The following MYH9 variants were observed in gnomAD, a reference collection of about 807,000 sequenced individuals.
MYH9 encodes myosin heavy chain 9.
Under a neutral mutation model 241.9 loss-of-function variants are expected in MYH9, and 29 were observed. The observed-to-expected ratio is 0.12, with a 90% CI of 0.09 to 0.16. The LOEUF is 0.16. Among genes scored for constraint, MYH9 ranks in the 10% least tolerant of loss-of-function variants. The pLI is 1.00. For synonymous variants in MYH9, 1,047 were observed against 1,062.6 expected (o/e 0.99, Z 0.29); for missense variants, 1,803 against 2,595.5 (o/e 0.69, Z 6.63).
At position 36,293,290 on chromosome 22, in the gene MYH9, C is replaced by A; in HGVS notation, c.4095+39G>T. 6.2e-7 allele frequency: 1 copy of A among 1,612,816 alleles called. No homozygotes were observed. Among genetic ancestry groups the A allele is most frequent in the Non-Finnish European group, 8.5e-7 (1 of 1,179,766 alleles). On this transcript the variant is annotated intron_variant, in intron 30 of 40. Transcript: ENST00000216181. This position sits in a 1 kb window ranked among gnomAD's most constrained non-coding sequence, Gnocchi z 5.1. The stretch of plus-strand genomic sequence containing the variant: ...GGCCAGTGCCCGGCCAGCAGCTCCC[C>A]AGCCTGCAGAGTCCGGCCGGTCCCC...
intron 2 of MYH9, among the ~76,000 whole-genome samples, chr22:36,342,003 G>A (rs2017598619): frequency 6.6e-6 from 1 of 152,230 alleles, no homozygotes; most frequent in African/African-American, 2.4e-5. Context: ...TTCTAGCACT[G>A]GAAAAACGCA....
At chr22:36,367,307 G>A (rs976604412) in intron 1 of MYH9, among the ~76,000 whole-genome samples, 14 of 152,124 alleles carry the variant, frequency 9.2e-5, no homozygotes, top group African/African-American at 3.4e-4. Flanking sequence ...CACTGCTCTG[G>A]GGTGCCCTGG....
At chr22:36,371,856 T>C (rs1437965126) in intron 1 of MYH9, among the ~76,000 whole-genome samples, 1 of 151,890 alleles carries the variant, frequency 6.6e-6, no homozygotes, top group Non-Finnish European at 1.5e-5. Context: ...TTAGTACCTC[T>C]CAACATACCC....
chr22:36,304,662 G>A (rs758636435), intron 18 of MYH9, among the ~76,000 whole-genome samples: 5 of 152,200 alleles, frequency 3.3e-5, no homozygotes, highest in African/African-American at 7.2e-5. Flanking sequence ...CCCAGGTCAC[G>A]GAGCACCAGG....
rs976283848 is a variant in MYH9, at chr22:36,320,562, C to T, written c.869-199G>A. 6.6e-6 allele frequency among the ~76,000 whole-genome samples: 1 copy of T among 152,142 alleles called. No individual in the cohort carries two copies. The highest frequency in any genetic ancestry group is 1.5e-5 in the Non-Finnish European group (1 of 68,016). The stretch of plus-strand genomic sequence containing the variant: ...ACTCCCGTCTCCTGGCCCAGGAGAG[C>T]GCCAGGTCCTGTGATTTGCAGCTAC... On this transcript the variant is annotated intron_variant, in intron 8 of 40. Transcript: ENST00000216181. The surrounding 1 kb of genome is among the most constrained non-coding windows in gnomAD (Gnocchi z 4.8).
chr22:36,363,453 G>C (rs2017965674), intron 1 of MYH9, among the ~76,000 whole-genome samples: 1 of 152,200 alleles, frequency 6.6e-6, no homozygotes, highest in Admixed American at 6.5e-5. Flanking sequence ...TGGAGGGAGA[G>C]ACAGAGGGAG....
chr22:36,317,756 G>A, intron 11 of MYH9, among the ~76,000 whole-genome samples: 1 of 152,242 alleles, frequency 6.6e-6, no homozygotes, highest in East Asian at 1.9e-4. Context: ...AAGCGCTGCT[G>A]CTCGTCTCTC....
At chr22:36,317,426 G>T (rs750412349) in intron 11 of MYH9, among the ~76,000 whole-genome samples, 1 of 152,044 alleles carries the variant, frequency 6.6e-6, no homozygotes, top group Non-Finnish European at 1.5e-5. Flanking sequence ...AATAGAAAAT[G>T]GAGGTTTCTC....
chr22:36,325,168 G>T, intron 5 of MYH9: 1 of 658,044 alleles, frequency 1.5e-6, no homozygotes. Flanking sequence ...GAGAGGGATG[G>T]AGAGAGAGAG....
intron 1 of MYH9, among the ~76,000 whole-genome samples, chr22:36,349,816 C>G (rs2146393698): frequency 6.6e-6 from 1 of 152,256 alleles, no homozygotes; most frequent in South Asian, 2.1e-4. Context: ...ATGAACATAA[C>G]AAGAGTCTCA....
rs368826129 is a variant in MYH9 at position 36,284,059 on chromosome 22, C to T, written c.5765+34G>A. 2.3e-4 allele frequency: 352 copies of T among 1,518,768 alleles called. No individual in the cohort carries two copies. In the Middle Eastern group the frequency reaches 4.0e-3, roughly 17 times the overall value. 94.1% of individuals were successfully genotyped at this position (1,518,768 alleles called of 1,614,324 possible). Reference sequence around the variant, plus strand: ...ACAAGCTACCTTTTGAGAGAAGTGCCGAGGCAAAGGGGCGGGTGGGCAGGG... The same window carrying T: ...ACAAGCTACCTTTTGAGAGAAGTGCTGAGGCAAAGGGGCGGGTGGGCAGGG... On this transcript the variant is annotated intron_variant, in intron 40 of 40. Coordinates refer to ENST00000216181, the MANE Select transcript of MYH9 (RefSeq NM_002473.6).
In MYH9 at chr22:36,372,494, C is replaced by CAAAA. The variant is rs57031494; in HGVS notation, c.-20+15309_-20+15312dup. On this transcript the variant is annotated intron_variant, in intron 1 of 40. Transcript: ENST00000216181. Reference sequence around the variant, plus strand: ...AAAGAAAGAGTGAGACCCTGTCTCTCAAAAAAAAAAAAAAAATGACAGGTA... The same window carrying CAAAA: ...AAAGAAAGAGTGAGACCCTGTCTCTCAAAAAAAAAAAAAAAAAAAATGACAGGTA... Among the ~76,000 whole-genome samples the CAAAA allele has an allele frequency of 6.7e-3, 481 of 71,736 alleles. 4 individuals are homozygous for CAAAA. Among genetic ancestry groups the CAAAA allele is most frequent in the African/African-American group, 0.019 (400 of 21,432 alleles). 47.1% of individuals were successfully genotyped at this position (71,736 alleles called of 152,430 possible).
Position 36,380,600 on chromosome 22 carries a change from G to C in MYH9, c.-20+7207C>G, listed in dbSNP as rs1296169866. Among the ~76,000 whole-genome samples the C allele has an allele frequency of 2.0e-5, 3 of 152,150 alleles. No homozygotes were observed. The South Asian group carries it at 6.2e-4, about 32-fold the overall frequency. On this transcript the variant is annotated intron_variant, in intron 1 of 40. Coordinates refer to ENST00000216181, the MANE Select transcript of MYH9 (RefSeq NM_002473.6). ...TACTAAAAATACAAAAATTAGCCAG[G>C]CGTGGTGACAGGTGCCTATAATCCC...
At chr22:36,352,698 TG>T (rs1216853680) in intron 1 of MYH9, among the ~76,000 whole-genome samples, 3 of 152,234 alleles carry the variant, frequency 2.0e-5, no homozygotes, top group Admixed American at 6.5e-5. Context: ...AGCAGAGGCC[TG>T]GCCACCAAGC....
intron 20 of MYH9, 122 bp from the exon 21 acceptor site, chr22:36,301,787 G>A: frequency 2.2e-6 from 3 of 1,356,016 alleles, no homozygotes; most frequent in Non-Finnish European, 3.1e-6. Context: ...GACACGCTGT[G>A]GTGGGGGCTG....
At chr22:36,283,087 T>C (rs1051245681) in intron 40 of MYH9, among the ~76,000 whole-genome samples, 1 of 152,116 alleles carries the variant, frequency 6.6e-6, no homozygotes, top group Non-Finnish European at 1.5e-5. Context: ...AAAGTAAGTG[T>C]AAAATGCCAT....
intron 1 of MYH9, among the ~76,000 whole-genome samples, chr22:36,384,611 AATATATATATATATATATATATATAT>A (rs753952544): frequency 2.4e-5 from 1 of 41,452 alleles, no homozygotes; most frequent in South Asian, 1.5e-3. Context: ...AAAAAAAAAA[AATATATATATATATATATATATATAT>A]ATATATATAT....
chr22:36,291,226 G>A (rs1603482856), intron 31 of MYH9, among the ~76,000 whole-genome samples: 1 of 152,306 alleles, frequency 6.6e-6, no homozygotes, highest in East Asian at 1.9e-4. Flanking sequence ...TGGCGGTTTT[G>A]TGGAATAGAA....
At chr22:36,304,936 C>T (rs1436510573) in intron 18 of MYH9, 97 bp downstream of exon 18, 6 of 1,247,308 alleles carry the variant, frequency 4.8e-6, no homozygotes, top group African/African-American at 1.5e-5. Flanking sequence ...TGGGCATCCA[C>T]CGACCACTGA....
Sources: gnomAD v4.1 joint callset for allele counts (sites outside exome capture counted in the v4.1 genomes callset) on GRCh38, gnomAD v4.1.1 for gene constraint, Gnocchi (gnomAD v3.1) non-coding constraint, MANE v1.5 for transcripts, NCBI Gene and HGNC (gene_info 2026-07-23, HGNC 2026-07-21) for gene names.